Variants in TUFT1 observed in about 807,000 individuals in gnomAD.
The protein encoded by TUFT1 is tuftelin 1.
A neutral mutation model predicts 57.8 loss-of-function variants in TUFT1; 43 were observed. The ratio of observed to expected loss-of-function variants is 0.74; its 90% CI spans 0.58 to 0.96. The LOEUF (loss-of-function observed/expected upper bound fraction) is 0.96, where lower values mean the gene tolerates loss of function less well. Among genes scored for constraint, TUFT1 ranks in the 40% least tolerant of loss-of-function variants. The pLI is 0.00. For synonymous variants in TUFT1, 166 were observed against 176.7 expected (o/e 0.94, Z 0.48); for missense variants, 459 against 489.0 (o/e 0.94, Z 0.58).
In TUFT1 at chr1:151,579,688, A is replaced by C. The variant is rs1194058225; in HGVS notation, c.964A>C (p.Thr322Pro). 1 of 1,613,956 alleles carries C rather than the reference A, an allele frequency of 6.2e-7. No homozygotes were observed. The highest frequency in any genetic ancestry group is 8.5e-7 in the Non-Finnish European group (1 of 1,180,010). ...AGCTGTGATCCAGTCAAAGGACGCC[A>C]CCATCCAGGAGCTCAAGGAGAAAAT... Reference protein sequence around the residue: ...SKAVIQSKDATIQELKEKIAY... With the variant: ...SKAVIQSKDAPIQELKEKIAY... Residue 322 changes from threonine (T) to proline (P), a missense_variant, in exon 11 of 13, where the codon ACC becomes CCC. Coordinates refer to ENST00000368849, the MANE Select transcript of TUFT1 (RefSeq NM_020127.3).
intron 7 of TUFT1, among the ~76,000 whole-genome samples, chr1:151,570,022 C>T (rs1666208078): frequency 6.6e-6 from 1 of 152,166 alleles, no homozygotes; most frequent in Non-Finnish European, 1.5e-5. Flanking sequence ...AGGGTGGTGC[C>T]CATCTGGGGC....
At chr1:151,554,380 C>G (rs1215759002) in intron 1 of TUFT1, among the ~76,000 whole-genome samples, 3 of 152,026 alleles carry the variant, frequency 2.0e-5, no homozygotes, top group Non-Finnish European at 2.9e-5. Flanking sequence ...CTGTGGGTTG[C>G]CATGCAGTGT....
intron 7 of TUFT1, among the ~76,000 whole-genome samples, chr1:151,571,226 A>G (rs1477983195): frequency 6.6e-6 from 1 of 152,226 alleles, no homozygotes; most frequent in Admixed American, 6.5e-5. Context: ...GGCGGTGAGG[A>G]GGAAGGGCAC....
Position 151,580,922 on chromosome 1 carries a change from C to T in TUFT1, c.1009-20C>T, listed in dbSNP as rs780164050. ...GAAGCCAGAAAAAGGCCAACTCTAA[C>T]CCCTAAGCTTGTGTTACAGAATTTA... On this transcript the variant is annotated intron_variant, in intron 11 of 12. Coordinates refer to ENST00000368849, the MANE Select transcript of TUFT1 (RefSeq NM_020127.3). 2 of 1,612,504 alleles carry T rather than the reference C, an allele frequency of 1.2e-6. No homozygotes were observed. Among genetic ancestry groups the T allele is most frequent in the South Asian group, 1.1e-5 (1 of 91,030 alleles).
At chr1:151,554,695 C>CCTTTTTTTTTTTTTTT (rs1553249393) in intron 1 of TUFT1, among the ~76,000 whole-genome samples, 4 of 85,652 alleles carry the variant, frequency 4.7e-5, no homozygotes, top group African/African-American at 1.0e-4. Context: ...GCCCGGCCCC[C>CCTTTTTTTTTTTTTTT]TTTTTTTTTT....
rs774043437 is a variant in TUFT1 at position 151,564,515 on chromosome 1, C to T, written c.325-10C>T. The T allele has an allele frequency of 6.2e-7, 1 of 1,611,852 alleles. No individual in the cohort carries two copies. Among genetic ancestry groups the T allele is most frequent in the South Asian group, 1.1e-5 (1 of 90,920 alleles). On this transcript the variant is annotated splice_polypyrimidine_tract_variant and intron_variant, in intron 4 of 12. Coordinates refer to ENST00000368849, the MANE Select transcript of TUFT1 (RefSeq NM_020127.3). ...CCCTAAAGCTCAAGTTTCTTCCCCT[C>T]CCCTCCCAGGCCAGGAACTGCCTAC...
At chr1:151,563,564 A>T (rs6587603) in intron 3 of TUFT1, among the ~76,000 whole-genome samples, 3,495 of 152,200 alleles carry the variant, frequency 0.023, 128 homozygotes, top group African/African-American at 0.08. Context: ...GTGTGTGTAC[A>T]CTCTGTGATG....
intron 1 of TUFT1, chr1:151,561,584 C>A: frequency 8.5e-7 from 1 of 1,182,796 alleles, no homozygotes; most frequent in South Asian, 1.6e-5. Flanking sequence ...ATTATCTTGC[C>A]TGTTTTCACT....
rs116832359 is a variant in TUFT1, at chr1:151,544,708, A to G, written c.60+4282A>G. On this transcript the variant is annotated intron_variant, in intron 1 of 12. Coordinates refer to ENST00000368849, the MANE Select transcript of TUFT1 (RefSeq NM_020127.3). ...TATGTGCATGATTTTAAAGTATCAAAGTATCAATAATATCAAAAGGCTTTT... is the reference window on the plus strand; with the variant it reads ...TATGTGCATGATTTTAAAGTATCAAGGTATCAATAATATCAAAAGGCTTTT... 9.3e-3 allele frequency among the ~76,000 whole-genome samples: 1,421 copies of G among 152,376 alleles called. 16 individuals are homozygous for G. The highest frequency in any genetic ancestry group is 0.013 in the Non-Finnish European group (860 of 68,032).
intron 12 of TUFT1, 60 bp downstream of exon 12, chr1:151,581,102 C>T (rs1283222775): frequency 1.7e-5 from 25 of 1,473,814 alleles, no homozygotes; most frequent in Non-Finnish European, 2.3e-5. Context: ...AGGGACAGAG[C>T]TCTGTAGAAC....
intron 1 of TUFT1, chr1:151,540,754 G>C (rs1043294751): frequency 1.8e-5 from 5 of 278,186 alleles, no homozygotes; most frequent in African/African-American, 4.5e-5. Context: ...GGTCATAAGA[G>C]AATGAGCTCA....
chr1:151,559,777 A>G (rs1218363701), intron 1 of TUFT1, among the ~76,000 whole-genome samples: 1 of 151,732 alleles, frequency 6.6e-6, no homozygotes, highest in African/African-American at 2.4e-5. Flanking sequence ...GCAGAGAGTA[A>G]CCTCCATACA....
At chr1:151,552,063 A>G (rs535877131) in intron 1 of TUFT1, among the ~76,000 whole-genome samples, 4 of 152,246 alleles carry the variant, frequency 2.6e-5, no homozygotes, top group Non-Finnish European at 5.9e-5. Flanking sequence ...AGTGCAAATT[A>G]TATTAGTTTT....
At chr1:151,566,068 CTTCTCT>C (rs376598285) in intron 5 of TUFT1, 89 bp from the exon 6 acceptor site, 25 of 480,058 alleles carry the variant, frequency 5.2e-5, no homozygotes, top group South Asian at 4.4e-4. Flanking sequence ...TCTCCCTGTC[CTTCTCT>C]TTCTAAGATT....
At chr1:151,566,061 C>A in intron 5 of TUFT1, 102 bp from the exon 6 acceptor site, 1 of 283,202 alleles carries the variant, frequency 3.5e-6, no homozygotes, top group Non-Finnish European at 7.2e-6. Context: ...CTCTCCCTCT[C>A]CCTGTCCTTC....
intron 6 of TUFT1, 27 bp downstream of exon 6, chr1:151,566,255 C>T (rs1349656971): frequency 1.3e-6 from 2 of 1,597,732 alleles, no homozygotes; most frequent in African/African-American, 1.3e-5. Flanking sequence ...ACCATGGTGG[C>T]TCCGCTTAGC....
intron 9 of TUFT1, among the ~76,000 whole-genome samples, chr1:151,578,099 T>G (rs1482986638): frequency 6.6e-6 from 1 of 151,368 alleles, no homozygotes; most frequent in Non-Finnish European, 1.5e-5. Context: ...TAACGAGGAG[T>G]TCATTACACA....
At chr1:151,568,863 G>C (rs1310089697) in intron 6 of TUFT1, among the ~76,000 whole-genome samples, 2 of 152,198 alleles carry the variant, frequency 1.3e-5, no homozygotes, top group Non-Finnish European at 2.9e-5. Flanking sequence ...GGTGTGGTAG[G>C]GAGTGTACTG....
rs1173820954 is a variant in TUFT1 at position 151,564,049 on chromosome 1, T to C, written c.324+59T>C. 6 of 1,379,512 alleles carry C rather than the reference T, an allele frequency of 4.3e-6. No individual in the cohort carries two copies. In the East Asian group the frequency reaches 1.1e-4, roughly 26 times the overall value. The allele number at this position is 1,379,512 out of a possible 1,614,324, so 85.5% of individuals were successfully genotyped here. A position where few individuals can be genotyped will look rare whatever the true frequency, so the allele number is the denominator to read the frequency against. On this transcript the variant is annotated intron_variant, in intron 4 of 12. Transcript: ENST00000368849. The stretch of plus-strand genomic sequence containing the variant: ...GTCATTTCTCTAAATCTCACATTTT[T>C]TGTGACTGTCTTCTTTTGTGGATTC...
Sources: allele counts gnomAD v4.1 joint callset (sites outside exome capture counted in the v4.1 genomes callset), GRCh38; gene constraint gnomAD v4.1.1; transcripts MANE v1.5; gene names NCBI Gene and HGNC (gene_info 2026-07-23, HGNC 2026-07-21).